MGMT: variants seen among roughly 807,000 people sequenced by gnomAD.
The protein encoded by MGMT is methylated-DNA--protein-cysteine methyltransferase.
MGMT carries 14 observed loss-of-function variants against 15.9 expected under a neutral mutation model. That is an observed-to-expected ratio of 0.88 (90% confidence interval 0.58 to 1.37). The LOEUF (loss-of-function observed/expected upper bound fraction) is 1.37, where lower values mean the gene tolerates loss of function less well. Ranked by LOEUF, MGMT falls within the 40% of genes most tolerant of loss-of-function variation. The pLI, the probability that MGMT is intolerant of heterozygous loss-of-function variation, is 0.00. For missense variants in MGMT, 282 were observed against 268.1 expected (o/e 1.05, Z -0.36); for synonymous variants, 130 against 118.2 (o/e 1.10, Z -0.65).
chr10:129,529,203 G>T (rs1845903836), intron 1 of MGMT, among the ~76,000 whole-genome samples: 1 of 151,646 alleles, frequency 6.6e-6, no homozygotes, highest in Non-Finnish European at 1.5e-5. Context: ...GTGCGATGGG[G>T]TCATGGGGGA....
chr10:129,692,040 G>A (rs912528365), intron 2 of MGMT, among the ~76,000 whole-genome samples: 1 of 152,212 alleles, frequency 6.6e-6, no homozygotes, highest in Non-Finnish European at 1.5e-5. Context: ...GCACGTGGGG[G>A]CACCGAGCAC....
intron 2 of MGMT, among the ~76,000 whole-genome samples, chr10:129,629,840 C>T (rs572247875): frequency 3.9e-5 from 6 of 152,070 alleles, no homozygotes; most frequent in Admixed American, 6.5e-5. Context: ...TGGACTTTTC[C>T]GGAATAACCC....
At chr10:129,610,682 T>C (rs572711053) in intron 2 of MGMT, among the ~76,000 whole-genome samples, 1 of 152,392 alleles carries the variant, frequency 6.6e-6, no homozygotes, top group South Asian at 2.1e-4. Context: ...TTCTTATGGC[T>C]GTTTTCCCTA....
At chr10:129,483,340 T>A (rs1452422025) in intron 1 of MGMT, among the ~76,000 whole-genome samples, 2 of 152,172 alleles carry the variant, frequency 1.3e-5, no homozygotes, top group East Asian at 1.9e-4. Context: ...ATTTGCATAT[T>A]TACTGTTTTT....
chr10:129,635,706 C>A (rs193007389), intron 2 of MGMT, among the ~76,000 whole-genome samples: 7 of 152,170 alleles, frequency 4.6e-5, no homozygotes, highest in Non-Finnish European at 1.0e-4. Flanking sequence ...TTCTGATCAT[C>A]GATAGCACTT....
At chr10:129,702,337 A>C (rs1564766583) in intron 2 of MGMT, among the ~76,000 whole-genome samples, 1 of 152,204 alleles carries the variant, frequency 6.6e-6, no homozygotes. Flanking sequence ...CGCCCAGCAA[A>C]GCTGGGCTGC....
intron 2 of MGMT, among the ~76,000 whole-genome samples, chr10:129,565,032 G>A (rs941263023): frequency 1.3e-5 from 2 of 152,220 alleles, no homozygotes; most frequent in African/African-American, 4.8e-5. Context: ...GATGGAGGGC[G>A]CTTGACTTTG....
chr10:129,630,705 G>T lies in MGMT; in HGVS notation c.126-77190G>T, dbSNP rs188159746. 5.0e-3 allele frequency among the ~76,000 whole-genome samples: 754 copies of T among 152,316 alleles called. 6 individuals are homozygous for T. The highest frequency in any genetic ancestry group is 0.017 in the African/African-American group (717 of 41,564). ...CAGAGCCGAGACGCCGTCTCTCAAG[G>T]TGTTGTGATCAGTAAAAGAATCCAT... On this transcript the variant is annotated intron_variant, in intron 2 of 4. Transcript: ENST00000651593.
chr10:129,738,084 A>C (rs1280398013), intron 3 of MGMT, among the ~76,000 whole-genome samples: 1 of 152,248 alleles, frequency 6.6e-6, no homozygotes, highest in African/African-American at 2.4e-5. Flanking sequence ...GGCTCCACCC[A>C]GTTCGAGCTT....
At chr10:129,676,381 T>C (rs767796691) in intron 2 of MGMT, among the ~76,000 whole-genome samples, 7 of 152,118 alleles carry the variant, frequency 4.6e-5, no homozygotes, top group Non-Finnish European at 8.8e-5. Context: ...GCTGGGGCCA[T>C]GGGGATGACT....
chr10:129,728,067 TG>T (rs35840829), intron 3 of MGMT, among the ~76,000 whole-genome samples: 116 of 152,188 alleles, frequency 7.6e-4, no homozygotes, highest in African/African-American at 2.7e-3. Flanking sequence ...CAAGGCATGA[TG>T]GGAGCCAGGC....
intron 1 of MGMT, among the ~76,000 whole-genome samples, chr10:129,495,751 C>A (rs1037789818): frequency 1.3e-5 from 2 of 152,190 alleles, no homozygotes; most frequent in African/African-American, 4.8e-5. Context: ...CACCAGGATT[C>A]TTCTTCCCAT....
At chr10:129,627,882 G>T (rs1474322399) in intron 2 of MGMT, among the ~76,000 whole-genome samples, 1 of 152,218 alleles carries the variant, frequency 6.6e-6, no homozygotes, top group African/African-American at 2.4e-5. Context: ...GGAGCTGAGA[G>T]TAAATTATAT....
At chr10:129,523,086 T>C (rs1047638680) in intron 1 of MGMT, among the ~76,000 whole-genome samples, 5 of 152,264 alleles carry the variant, frequency 3.3e-5, no homozygotes, top group African/African-American at 1.2e-4. Flanking sequence ...GCCACCTCTT[T>C]ACTCCTCATG....
intron 2 of MGMT, among the ~76,000 whole-genome samples, chr10:129,579,343 G>T (rs1310440048): frequency 1.3e-5 from 2 of 152,208 alleles, no homozygotes; most frequent in Non-Finnish European, 2.9e-5. Context: ...CCTACCTGTG[G>T]CTGGGCCAGG....
intron 2 of MGMT, among the ~76,000 whole-genome samples, chr10:129,691,460 G>A (rs940232322): frequency 9.2e-5 from 14 of 152,262 alleles, no homozygotes; most frequent in African/African-American, 3.4e-4. Flanking sequence ...GGCAGTGCAG[G>A]CATCGCGAGT....
At chr10:129,500,462 A>G (rs1845563946) in intron 1 of MGMT, among the ~76,000 whole-genome samples, 1 of 152,184 alleles carries the variant, frequency 6.6e-6, no homozygotes, top group Non-Finnish European at 1.5e-5. Flanking sequence ...ATTCACCTGC[A>G]TTGTGCTGGG....
At chr10:129,499,733 A>G (rs1296802045) in intron 1 of MGMT, among the ~76,000 whole-genome samples, 1 of 152,196 alleles carries the variant, frequency 6.6e-6, no homozygotes, top group African/African-American at 2.4e-5. Flanking sequence ...TAGAACACAG[A>G]CAGTCAGAAA....
intron 2 of MGMT, among the ~76,000 whole-genome samples, chr10:129,650,942 G>A (rs893521658): frequency 2.6e-5 from 4 of 152,252 alleles, no homozygotes; most frequent in African/African-American, 9.6e-5. Flanking sequence ...TTTTCTGGCA[G>A]TGGTACTGCC....
Sources: gnomAD v4.1 joint callset for allele counts (sites outside exome capture counted in the v4.1 genomes callset) on GRCh38, gnomAD v4.1.1 for gene constraint, MANE v1.5 for transcripts, NCBI Gene and HGNC (gene_info 2026-07-23, HGNC 2026-07-21) for gene names.